The following MAN2C1 variants were observed in gnomAD, a reference collection of about 807,000 sequenced individuals.
MAN2C1 encodes alpha-mannosidase 2C1.
In MAN2C1, 111 loss-of-function variants were observed where a neutral mutation model predicts 126.9. That is an observed-to-expected ratio of 0.87 (90% CI 0.75 to 1.02). MAN2C1 has a LOEUF of 1.02. MAN2C1 is among the 50% of genes least tolerant of loss of function. MAN2C1 has a pLI of 0.00. For synonymous variants in MAN2C1, 567 were observed against 561.5 expected, an observed-to-expected ratio of 1.01 and a Z score of -0.14; for missense variants, 1,363 against 1,364.4, an observed-to-expected ratio of 1.00 and a Z score of 0.02.
In MAN2C1 at chr15:75,361,604, T is replaced by C. The variant is rs148330535; in HGVS notation, c.1218A>G (p.Pro406=). 2 of 1,612,582 alleles carry C rather than the reference T, an allele frequency of 1.2e-6. No homozygotes were observed. The highest frequency in any genetic ancestry group is 1.7e-6 in the Non-Finnish European group (2 of 1,178,772). Residue 406 remains proline, a splice_region_variant and synonymous_variant, in exon 10 of 26, where the codon CCA becomes CCG. Coordinates refer to ENST00000267978, the MANE Select transcript of MAN2C1 (RefSeq NM_006715.4). The surrounding 1 kb of genome is among the most constrained non-coding windows in gnomAD (Gnocchi z 5.0). ...CCTGACCCCCCGGGGGCCTGCTTAC[T>C]GGGAAGGAGTTCACCAAATTCCAGC... ...KLSWNLVNSF[P]HHTFFWEGLD...
intron 5 of MAN2C1, 91 bp from the exon 6 acceptor site, chr15:75,364,279 C>G (rs1343911101): frequency 2.1e-6 from 3 of 1,402,384 alleles, no homozygotes; most frequent in Non-Finnish European, 2.8e-6. Context: ...CAGAGCTCCC[C>G]TGACCCCCAA....
chr15:75,356,783 C>T lies in MAN2C1; in HGVS notation c.2657+10G>A. On this transcript the variant is annotated intron_variant, in intron 22 of 25. Coordinates refer to ENST00000267978, the MANE Select transcript of MAN2C1 (RefSeq NM_006715.4). This position sits in a 1 kb window ranked among gnomAD's most constrained non-coding sequence, Gnocchi z 5.8. ...TGCCAGCTCCCAGGCCTGGTGGGTA[C>T]CCCACTTACAGCGAGAGGCTGAGGA... 1 of 1,613,794 alleles carries T rather than the reference C, an allele frequency of 6.2e-7. No homozygotes were observed. The highest frequency in any genetic ancestry group is 8.5e-7 in the Non-Finnish European group (1 of 1,179,870).
chr15:75,361,867 C>G lies in MAN2C1; in HGVS notation c.1089G>C (p.Lys363Asn). 6.2e-7 allele frequency: 1 copy of G among 1,614,128 alleles called. No homozygotes were observed. Among genetic ancestry groups the G allele is most frequent in the Non-Finnish European group, 8.5e-7 (1 of 1,180,012 alleles). ...GQNFFLQEFG[K>N]MCSEFWLPDT... Reference sequence around the variant, plus strand: ...GCTCTCAGCCTACCTCAGAGCACATCTTCCCAAACTCCTGCAGAAAGAAGT... The same window carrying G: ...GCTCTCAGCCTACCTCAGAGCACATGTTCCCAAACTCCTGCAGAAAGAAGT... Residue 363 changes from lysine (K) to asparagine (N), a missense_variant, in exon 9 of 26, where the codon AAG becomes AAC. By Grantham distance (94) the Lys-to-Asn change is moderately conservative. Around this residue, in one of 3 missense-constraint regions of MAN2C1, gnomAD observed 628 missense variants for 609.8 expected, o/e 1.03. Transcript: ENST00000267978. This position sits in a 1 kb window ranked among gnomAD's most constrained non-coding sequence, Gnocchi z 5.0.
chr15:75,359,985 G>C lies in MAN2C1; in HGVS notation c.1710C>G (p.Leu570=), dbSNP rs146507376. 3.3e-4 allele frequency: 533 copies of C among 1,613,984 alleles called. No homozygotes were observed. The highest frequency in any genetic ancestry group is 4.1e-4 in the Non-Finnish European group (481 of 1,179,984). ...CATCATGGAACTGGTTCAGAAGAAG[G>C]AGCCTGCAGGGGCCAAGGGCAGGGA... ...PAAQLQHLWR[L]LLLNQFHDVV... The change falls in exon 15 of 26, where the codon CTC becomes CTG. Residue 570 remains leucine (L), a synonymous_variant. Coordinates refer to ENST00000267978, the MANE Select transcript of MAN2C1 (RefSeq NM_006715.4).
chr15:75,367,696 G>T, intron 2 of MAN2C1, 62 bp from the exon 3 acceptor site: 2 of 1,596,884 alleles, frequency 1.3e-6, no homozygotes, highest in Non-Finnish European at 1.7e-6. Flanking sequence ...TCCTTCCTTG[G>T]ATAAAGTGTC....
At position 75,359,632 on chromosome 15, in the gene MAN2C1, C is replaced by A. The variant is rs376546366; in HGVS notation, c.1936G>T (p.Ala646Ser). The A allele has an allele frequency of 2.6e-5, 42 of 1,613,952 alleles. No individual in the cohort carries two copies. The East Asian group carries it at 9.1e-4, about 35-fold the overall frequency. The change falls in exon 16 of 26, where the codon GCC becomes TCC. Residue 646 changes from alanine to serine, a missense_variant. By Grantham distance (99) the Ala-to-Ser change is moderately conservative. Around this residue, in one of 3 missense-constraint regions of MAN2C1, gnomAD observed 668 missense variants for 650.1 expected, o/e 1.03. Coordinates refer to ENST00000267978, the MANE Select transcript of MAN2C1 (RefSeq NM_006715.4). ...EVMALPKPGG[A>S]HSLALVTVPS... ...CCTCAGCTCGTACCTAGGCTGTGGG[C>A]CCCGCCCGGTTTGGGCAGGGCCATC...
Position 75,368,467 on chromosome 15 carries a change from G to A in MAN2C1, c.101+16C>T, listed in dbSNP as rs2072637016. On this transcript the variant is annotated intron_variant, in intron 1 of 25. Transcript: ENST00000267978. Reference sequence around the variant, plus strand: ...ACGGTTGCGGTCGGCCGGCTGCGGGGGACCAGGGGCCACACCTGCCGCGGA... The same window carrying A: ...ACGGTTGCGGTCGGCCGGCTGCGGGAGACCAGGGGCCACACCTGCCGCGGA... 3 of 1,544,920 alleles carry A rather than the reference G, an allele frequency of 1.9e-6. No homozygotes were observed. The East Asian group carries it at 7.3e-5, about 38-fold the overall frequency.
intron 21 of MAN2C1, 190 bp from the exon 22 acceptor site, chr15:75,357,092 G>A: frequency 1.7e-6 from 1 of 596,094 alleles, no homozygotes. Context: ...TGTGAAACGG[G>A]AATAAATAAT....
chr15:75,367,980 A>G (rs935322544), intron 2 of MAN2C1, 93 bp downstream of exon 2: 1 of 1,444,258 alleles, frequency 6.9e-7, no homozygotes, highest in Admixed American at 2.4e-5. Flanking sequence ...GTAGTTGTCT[A>G]CGGCAGAGGG....
chr15:75,368,530 C>A lies in MAN2C1; in HGVS notation c.54G>T (p.Glu18Asp), dbSNP rs970452944. 2.6e-6 allele frequency: 4 copies of A among 1,555,082 alleles called. No homozygotes were observed. The highest frequency in any genetic ancestry group is 1.9e-5 in the Admixed American group (1 of 51,646). ...KHWRTTLERV[E>D]KFVSPLYFTD... ...TAAAGTAGAGCGGCGACACGAACTT[C>A]TCCACCCGCTCCAGCGTGGTGCGCC... Residue 18 changes from glutamate to aspartate, a missense_variant, in exon 1 of 26, where the codon GAG becomes GAT. By Grantham distance (45) the Glu-to-Asp change is conservative. Transcript: ENST00000267978.
chr15:75,362,280 G>C lies in MAN2C1; in HGVS notation c.1008+63C>G. On this transcript the variant is annotated intron_variant, in intron 8 of 25. Transcript: ENST00000267978. This position sits in a 1 kb window ranked among gnomAD's most constrained non-coding sequence, Gnocchi z 4.5. ...ACTCACCAGCAAAGCCGGGAGGGCGGGGCTACCTGAGGGAAGGCTGTTGTC... is the reference window on the plus strand; with the variant it reads ...ACTCACCAGCAAAGCCGGGAGGGCGCGGCTACCTGAGGGAAGGCTGTTGTC... The C allele has an allele frequency of 6.9e-7, 1 of 1,456,088 alleles. No homozygotes were observed. Among genetic ancestry groups the C allele is most frequent in the Middle Eastern group, 1.8e-4 (1 of 5,688 alleles). The allele number at this position is 1,456,088 out of a possible 1,614,324, so 90.2% of individuals were successfully genotyped here.
At position 75,356,902 on chromosome 15, in the gene MAN2C1, C is replaced by G; in HGVS notation, c.2548G>C (p.Val850Leu). Residue 850 changes from valine (V) to leucine (L), a missense_variant and splice_region_variant, in exon 22 of 26, where the codon GTG becomes CTG. By Grantham distance (32) the Val-to-Leu change is conservative. Coordinates refer to ENST00000267978, the MANE Select transcript of MAN2C1 (RefSeq NM_006715.4). This position sits in a 1 kb window ranked among gnomAD's most constrained non-coding sequence, Gnocchi z 5.8. ...AGATCCATCCAGCGATGGGCCCACACCTGGAGGGCAGATCCAAGACCCACT... is the reference window on the plus strand; with the variant it reads ...AGATCCATCCAGCGATGGGCCCACAGCTGGAGGGCAGATCCAAGACCCACT... Reference protein sequence around the residue: ...NTSWDWARFEVWAHRWMDLSE... With the variant: ...NTSWDWARFELWAHRWMDLSE... 7 of 1,613,556 alleles carry G rather than the reference C, an allele frequency of 4.3e-6. No homozygotes were observed. Among genetic ancestry groups the G allele is most frequent in the Non-Finnish European group, 5.9e-6 (7 of 1,179,574 alleles).
rs758194535 is a variant in MAN2C1 at position 75,368,066 on chromosome 15, T to C, written c.227+7A>G. ...GTGGCCCCGCCCACCCGCTGGGCGT[T>C]ACCTACGTGGGTCCGAAGCTGTCGC... is the stretch of plus-strand genomic sequence containing the variant. On this transcript the variant is annotated splice_region_variant and intron_variant, in intron 2 of 25. Transcript: ENST00000267978. The C allele has an allele frequency of 1.0e-5, 16 of 1,603,272 alleles. No homozygotes were observed. The highest frequency in any genetic ancestry group is 1.3e-5 in the African/African-American group (1 of 74,826).
chr15:75,366,235 T>C (rs1360345468), intron 4 of MAN2C1, among the ~76,000 whole-genome samples: 1 of 152,240 alleles, frequency 6.6e-6, no homozygotes, highest in African/African-American at 2.4e-5. Flanking sequence ...CTCACTCTGT[T>C]GCCCAGGCTG....
At position 75,363,805 on chromosome 15, in the gene MAN2C1, T is replaced by A. The variant is rs548683687; in HGVS notation, c.790+194A>T. ...TGGGTGACAAGAGTGAGACTCCGTC[T>A]CAAAAAAAAAAAAAGTGAATCCAAA... On this transcript the variant is annotated intron_variant, in intron 6 of 25. Transcript: ENST00000267978. 160 of 577,320 alleles carry A rather than the reference T, an allele frequency of 2.8e-4. No individual in the cohort carries two copies. In the South Asian group the frequency reaches 3.2e-3, roughly 12 times the overall value. The allele number at this position is 577,320 out of a possible 1,614,324, so 35.8% of individuals were successfully genotyped here. A position where few individuals can be genotyped will look rare whatever the true frequency, so the allele number is the denominator to read the frequency against.
rs959152288 is a variant in MAN2C1 at position 75,362,370 on chromosome 15, C to A, written c.981G>T (p.Val327=). Residue 327 remains valine (V), a synonymous_variant, in exon 8 of 26, where the codon GTG becomes GTT. Coordinates refer to ENST00000267978, the MANE Select transcript of MAN2C1 (RefSeq NM_006715.4). The surrounding 1 kb of genome is among the most constrained non-coding windows in gnomAD (Gnocchi z 4.5). ...IQEFACRGQF[V]PVGGTWVEMD... Reference sequence around the variant, plus strand: ...TCTCCACCCAGGTGCCCCCCACAGGCACAAACTGCCCACGGCACGCAAACT... The same window carrying A: ...TCTCCACCCAGGTGCCCCCCACAGGAACAAACTGCCCACGGCACGCAAACT... 6.2e-7 allele frequency: 1 copy of A among 1,613,978 alleles called. No homozygotes were observed.
intron 17 of MAN2C1, 68 bp downstream of exon 17, chr15:75,359,260 C>T: frequency 6.3e-7 from 1 of 1,586,450 alleles, no homozygotes; most frequent in Admixed American, 1.7e-5. Context: ...GACAGGGGAG[C>T]TCAGGACCCT....
chr15:75,362,506 G>T lies in MAN2C1; in HGVS notation c.898-53C>A. ...CCAGAGTGACAAGGGCCCCACCCAG[G>T]ACTGAGCATATGGGACTCAGTGTGT... On this transcript the variant is annotated intron_variant, in intron 7 of 25. Coordinates refer to ENST00000267978, the MANE Select transcript of MAN2C1 (RefSeq NM_006715.4). The surrounding 1 kb of genome is among the most constrained non-coding windows in gnomAD (Gnocchi z 4.5). 5.8e-6 allele frequency: 9 copies of T among 1,543,296 alleles called. No individual in the cohort carries two copies. Among genetic ancestry groups the T allele is most frequent in the Non-Finnish European group, 8.0e-6 (9 of 1,131,228 alleles).
chr15:75,368,331 C>T lies in MAN2C1; in HGVS notation c.102-133G>A. The T allele has an allele frequency of 9.1e-6, 13 of 1,428,810 alleles. No individual in the cohort carries two copies. The South Asian group carries it at 1.4e-4, about 15-fold the overall frequency. The allele number at this position is 1,428,810 out of a possible 1,614,324, so 88.5% of individuals were successfully genotyped here. ...TGCCTGGCCGCTCCGCGGCACAGTC[C>T]ATTCCCTACCCCCTCCTCCCCGGCC... is the stretch of plus-strand genomic sequence containing the variant. On this transcript the variant is annotated intron_variant, in intron 1 of 25. Coordinates refer to ENST00000267978, the MANE Select transcript of MAN2C1 (RefSeq NM_006715.4).
Sources: gnomAD v4.1 joint callset for allele counts (sites outside exome capture counted in the v4.1 genomes callset) on GRCh38, gnomAD v4.1.1 for gene constraint, gnomAD v4.1.1 regional missense constraint, Gnocchi (gnomAD v3.1) non-coding constraint, MANE v1.5 for transcripts, NCBI Gene and HGNC (gene_info 2026-07-23, HGNC 2026-07-21) for gene names.